The following FRZB variants were observed in gnomAD, a reference collection of about 807,000 sequenced individuals.
FRZB encodes the protein frizzled related protein, also known as secreted frizzled-related protein 3.
In FRZB, 34 loss-of-function variants were observed where a neutral mutation model predicts 32.5. That is an observed-to-expected ratio of 1.05 (90% confidence interval 0.80 to 1.39). FRZB has a LOEUF of 1.39. Among genes scored for constraint, FRZB ranks in the 40% most tolerant of loss-of-function variants. The probability of loss-of-function intolerance (pLI) is 0.00; values close to 1 mark genes in which losing one functional copy is unlikely to be tolerated. For missense variants in FRZB, 423 were observed against 424.8 expected (o/e 1.00, Z 0.04); for synonymous variants, 170 against 159.2 (o/e 1.07, Z -0.51).
Position 182,839,996 on chromosome 2 carries a change from CA to C in FRZB, c.593-1384del, listed in dbSNP as rs1355504907. ...CCCCATTAATGTTCCAATTTCGTCA[CA>C]AAAACTTATTCTACCAGTACAACAC... On this transcript the variant is annotated intron_variant, in intron 3 of 5. Coordinates refer to ENST00000295113, the MANE Select transcript of FRZB (RefSeq NM_001463.4). 3.9e-5 allele frequency among the ~76,000 whole-genome samples: 6 copies of C among 152,134 alleles called. No homozygotes were observed. The East Asian group carries it at 1.2e-3, about 29-fold the overall frequency.
Position 182,858,509 on chromosome 2 carries a change from G to A in FRZB, c.526+277C>T, listed in dbSNP as rs144164980. ...GGGATACAGCTTGAAGGAGTTTTGG[G>A]AGGTGATGGAATTGTTCTGTATCCT... On this transcript the variant is annotated intron_variant, in intron 2 of 5. Transcript: ENST00000295113. 5.8e-3 allele frequency among the ~76,000 whole-genome samples: 890 copies of A among 152,208 alleles called. 17 individuals carry two copies. The highest frequency in any genetic ancestry group is 0.02 in the African/African-American group (840 of 41,544).
At chr2:182,840,160 G>A (rs896906967) in intron 3 of FRZB, among the ~76,000 whole-genome samples, 2 of 152,086 alleles carry the variant, frequency 1.3e-5, no homozygotes. Flanking sequence ...TGACTGGCAA[G>A]TGGAGCCTCT....
At chr2:182,836,312 C>G (rs1695525175) in intron 5 of FRZB, among the ~76,000 whole-genome samples, 1 of 152,050 alleles carries the variant, frequency 6.6e-6, no homozygotes, top group African/African-American at 2.4e-5. Context: ...TTTTACACAT[C>G]TTCAAATTGA....
intron 1 of FRZB, among the ~76,000 whole-genome samples, chr2:182,859,147 T>C (rs914175120): frequency 1.3e-5 from 2 of 151,862 alleles, no homozygotes; most frequent in Non-Finnish European, 2.9e-5. Flanking sequence ...ATAAAGCCTA[T>C]GCAAATATTA....
Position 182,857,782 on chromosome 2 carries a change from A to T in FRZB, c.526+1004T>A, listed in dbSNP as rs548102467. On this transcript the variant is annotated intron_variant, in intron 2 of 5. Transcript: ENST00000295113. ...AATAAAACCAAAAGATGTTTTTTGT[A>T]TCCAGAATATGTAAAGAACCCTCAG... 4.2e-4 allele frequency among the ~76,000 whole-genome samples: 64 copies of T among 152,234 alleles called. 1 individual carries two copies. Among genetic ancestry groups the T allele is most frequent in the African/African-American group, 1.5e-3 (61 of 41,544 alleles).
chr2:182,842,648 G>A (rs748999025), intron 2 of FRZB, 105 bp from the exon 3 acceptor site: 6 of 780,638 alleles, frequency 7.7e-6, no homozygotes, highest in Non-Finnish European at 1.3e-5. Context: ...TTGGTGGTGA[G>A]AAGGCTCTTG....
Position 182,849,201 on chromosome 2 carries a change from T to C in FRZB, c.527-6658A>G, listed in dbSNP as rs977107750. On this transcript the variant is annotated intron_variant, in intron 2 of 5. Transcript: ENST00000295113. ...GAGATCGCGCCACTGCACTCCAGCC[T>C]GGGCGACAGAGCAAGACTCCGTCTC... Among the ~76,000 whole-genome samples the C allele has an allele frequency of 4.0e-5, 6 of 151,810 alleles. No homozygotes were observed. In the East Asian group the frequency reaches 5.8e-4, roughly 15 times the overall value.
intron 3 of FRZB, among the ~76,000 whole-genome samples, chr2:182,841,826 T>C (rs1695589156): frequency 1.3e-5 from 2 of 152,160 alleles, no homozygotes; most frequent in Non-Finnish European, 2.9e-5. Flanking sequence ...AAAGATAATG[T>C]ATGGAAATCA....
At chr2:182,864,407 G>A (rs1032928900) in intron 1 of FRZB, among the ~76,000 whole-genome samples, 1 of 152,204 alleles carries the variant, frequency 6.6e-6, no homozygotes, top group African/African-American at 2.4e-5. Flanking sequence ...GCAAACCAGA[G>A]CGGCAACTGC....
Position 182,833,832 on chromosome 2 carries a change from C to T in FRZB, c.*1017G>A, listed in dbSNP as rs1476459774. ...GGACACACATGTACACAAATACAGA[C>T]ACACACACAACAGAAAAAACAAAAA... is the stretch of plus-strand genomic sequence containing the variant. On this transcript the variant is annotated 3_prime_UTR_variant, in exon 6 of 6. Coordinates refer to ENST00000295113, the MANE Select transcript of FRZB (RefSeq NM_001463.4). 6.6e-6 allele frequency: 1 copy of T among 152,060 alleles called. No individual in the cohort carries two copies. The highest frequency in any genetic ancestry group is 6.6e-5 in the Admixed American group (1 of 15,260). 9.4% of individuals were successfully genotyped at this position (152,060 alleles called of 1,614,324 possible).
At chr2:182,865,197 A>AT (rs987334536) in intron 1 of FRZB, among the ~76,000 whole-genome samples, 10 of 151,502 alleles carry the variant, frequency 6.6e-5, no homozygotes, top group Middle Eastern at 3.4e-3. Context: ...ATTAAAGACA[A>AT]TTTTTTTTTC....
At chr2:182,865,778 G>T (rs1266008155) in intron 1 of FRZB, among the ~76,000 whole-genome samples, 12 of 152,218 alleles carry the variant, frequency 7.9e-5, no homozygotes, top group African/African-American at 1.9e-4. Flanking sequence ...TGAAGTGAAG[G>T]ATTCCTGTGG....
At position 182,834,844 on chromosome 2, in the gene FRZB, G is replaced by C; in HGVS notation, c.*5C>G. On this transcript the variant is annotated 3_prime_UTR_variant, in exon 6 of 6. Coordinates refer to ENST00000295113, the MANE Select transcript of FRZB (RefSeq NM_001463.4). ...TCCACTGTGTTACTTTTTGTATTTC[G>C]GGATTTAGTTGCGTGCTTGCCGGGG... 6.2e-6 allele frequency: 10 copies of C among 1,603,368 alleles called. No individual in the cohort carries two copies. The highest frequency in any genetic ancestry group is 8.5e-6 in the Non-Finnish European group (10 of 1,170,684).
rs991307299 is a variant in FRZB at position 182,834,545 on chromosome 2, C to A, written c.*304G>T. 14 of 332,762 alleles carry A rather than the reference C, an allele frequency of 4.2e-5. No homozygotes were observed. The highest frequency in any genetic ancestry group is 6.7e-5 in the Non-Finnish European group (12 of 179,236). 20.6% of individuals were successfully genotyped at this position (332,762 alleles called of 1,614,324 possible). A position where few individuals can be genotyped will look rare whatever the true frequency, so the allele number is the denominator to read the frequency against. On this transcript the variant is annotated 3_prime_UTR_variant, in exon 6 of 6. Coordinates refer to ENST00000295113, the MANE Select transcript of FRZB (RefSeq NM_001463.4). The stretch of plus-strand genomic sequence containing the variant: ...GTAAATTAACATCTGGAGACTCCAG[C>A]AAAGAGGCTCTGGTAACAGCATGTT...
intron 2 of FRZB, among the ~76,000 whole-genome samples, chr2:182,854,454 T>G (rs1341083058): frequency 6.6e-6 from 1 of 152,218 alleles, no homozygotes; most frequent in African/African-American, 2.4e-5. Flanking sequence ...GGGCTCATCA[T>G]TTTTTCCCTC....
At chr2:182,845,867 G>T (rs1422786301) in intron 2 of FRZB, among the ~76,000 whole-genome samples, 1 of 152,160 alleles carries the variant, frequency 6.6e-6, no homozygotes, top group Non-Finnish European at 1.5e-5. Flanking sequence ...TGAACCTGGA[G>T]ACTGTTTATT....
chr2:182,850,276 G>T (rs972906390), intron 2 of FRZB, among the ~76,000 whole-genome samples: 2 of 152,086 alleles, frequency 1.3e-5, no homozygotes, highest in African/African-American at 2.4e-5. Flanking sequence ...GTAGATTATT[G>T]TTAACTATAG....
At chr2:182,852,027 T>C (rs1454611258) in intron 2 of FRZB, among the ~76,000 whole-genome samples, 2 of 152,198 alleles carry the variant, frequency 1.3e-5, no homozygotes, top group African/African-American at 4.8e-5. Flanking sequence ...AAAAATCCTA[T>C]AGTTTTAAGC....
intron 2 of FRZB, among the ~76,000 whole-genome samples, chr2:182,848,858 C>T (rs1695676792): frequency 6.6e-6 from 1 of 152,190 alleles, no homozygotes; most frequent in Admixed American, 6.5e-5. Context: ...TAACGACACC[C>T]ATCTATGGCA....
Sources: allele counts gnomAD v4.1 joint callset (sites outside exome capture counted in the v4.1 genomes callset), GRCh38; gene constraint gnomAD v4.1.1; transcripts MANE v1.5; gene names NCBI Gene and HGNC (gene_info 2026-07-23, HGNC 2026-07-21).